Variants in PTPN9 observed in about 807,000 individuals in gnomAD.
PTPN9 encodes the protein tyrosine-protein phosphatase non-receptor type 9.
Under a neutral mutation model 69.8 loss-of-function variants are expected in PTPN9, and 26 were observed. That is an observed-to-expected ratio of 0.37 (90% confidence interval 0.27 to 0.52). The LOEUF is 0.52. PTPN9 is among the 20% of genes least tolerant of loss of function. The pLI is 0.91. For missense variants in PTPN9, 549 were observed against 740.3 expected (o/e 0.74, Z 3.00); for synonymous variants, 274 against 272.5 (o/e 1.01, Z -0.05).
intron 7 of PTPN9, among the ~76,000 whole-genome samples, chr15:75,490,699 A>G (rs1201656148): frequency 1.3e-5 from 2 of 151,916 alleles, no homozygotes; most frequent in African/African-American, 4.8e-5. Context: ...ATCTCGACTC[A>G]CTGCAAGCTC....
At chr15:75,557,253 C>T (rs557311990) in intron 1 of PTPN9, among the ~76,000 whole-genome samples, 5 of 151,864 alleles carry the variant, frequency 3.3e-5, no homozygotes, top group Non-Finnish European at 7.4e-5. Context: ...GGTGAAACCC[C>T]GTCTCTACTA....
intron 1 of PTPN9, among the ~76,000 whole-genome samples, chr15:75,577,717 C>T (rs1197775418): frequency 6.6e-6 from 1 of 152,226 alleles, no homozygotes; most frequent in African/African-American, 2.4e-5. Flanking sequence ...AGCTGTAGAG[C>T]TTGAAATGGG....
chr15:75,467,468 A>G lies in PTPN9; in HGVS notation c.*1301T>C, dbSNP rs549021617. The G allele has an allele frequency of 6.6e-6, 1 of 152,620 alleles. No individual in the cohort carries two copies. Among genetic ancestry groups the G allele is most frequent in the East Asian group, 1.9e-4 (1 of 5,164 alleles). 9.5% of individuals were successfully genotyped at this position (152,620 alleles called of 1,614,324 possible). A position where few individuals can be genotyped will look rare whatever the true frequency, so the allele number is the denominator to read the frequency against. ...GGGACAGGTTGGGTGGGTAGGGGAC[A>G]AACAGTGATTGCAGGGGACCACCTC... On this transcript the variant is annotated 3_prime_UTR_variant, in exon 13 of 13. Transcript: ENST00000618819.
chr15:75,503,890 G>C (rs1198670081), intron 7 of PTPN9, among the ~76,000 whole-genome samples: 1 of 116,512 alleles, frequency 8.6e-6, no homozygotes, highest in Non-Finnish European at 1.8e-5. Context: ...CAGCCGCCCC[G>C]TCCGGGAGGG....
At chr15:75,486,283 G>A (rs1203902197) in intron 8 of PTPN9, among the ~76,000 whole-genome samples, 1 of 152,060 alleles carries the variant, frequency 6.6e-6, no homozygotes, top group Non-Finnish European at 1.5e-5. Context: ...CAATGTAATG[G>A]TATTAGGAGA....
chr15:75,464,419 A>G lies in PTPN9; in HGVS notation c.*4350T>C, dbSNP rs1307070913. ...TCTGTCTCTGAAAGTAAAAAAAATG[A>G]AAAGTGGGGAGTGCTAGTGGGAGCC... On this transcript the variant is annotated 3_prime_UTR_variant, in exon 13 of 13. Coordinates refer to ENST00000618819, the MANE Select transcript of PTPN9 (RefSeq NM_002833.4). 2 of 152,192 alleles carry G rather than the reference A, an allele frequency of 1.3e-5. No individual in the cohort carries two copies. Among genetic ancestry groups the G allele is most frequent in the East Asian group, 3.9e-4 (2 of 5,190 alleles). 9.4% of individuals were successfully genotyped at this position (152,192 alleles called of 1,614,324 possible).
chr15:75,547,819 C>A (rs901029109), intron 1 of PTPN9, among the ~76,000 whole-genome samples: 4 of 152,014 alleles, frequency 2.6e-5, no homozygotes, highest in African/African-American at 9.7e-5. Context: ...GCATGCGCCA[C>A]CACACCCGGC....
At chr15:75,530,694 A>AT (rs1555456042) in intron 1 of PTPN9, among the ~76,000 whole-genome samples, 2,937 of 40,048 alleles carry the variant, frequency 0.073, 896 homozygotes, top group African/African-American at 0.25. Context: ...ATATTATAAT[A>AT]TATATAATAT....
chr15:75,536,167 G>A (rs138079598), intron 1 of PTPN9, among the ~76,000 whole-genome samples: 3 of 152,220 alleles, frequency 2.0e-5, no homozygotes, highest in African/African-American at 7.2e-5. Flanking sequence ...CACATTTAAA[G>A]AAAAACTTAA....
chr15:75,570,557 C>T (rs2075144216), intron 1 of PTPN9, among the ~76,000 whole-genome samples: 1 of 151,998 alleles, frequency 6.6e-6, no homozygotes, highest in Non-Finnish European at 1.5e-5. Flanking sequence ...ATTGCTTGAG[C>T]TTAGGAGTTC....
intron 1 of PTPN9, among the ~76,000 whole-genome samples, chr15:75,561,426 GA>G (rs559713224): frequency 0.014 from 1,993 of 143,396 alleles, 40 homozygotes; most frequent in African/African-American, 0.043. Flanking sequence ...AACAGAAAAG[GA>G]AAAAAAAAAA....
Position 75,505,662 on chromosome 15 carries a change from T to G in PTPN9, c.968+13A>C. 6.2e-7 allele frequency: 1 copy of G among 1,602,206 alleles called. No homozygotes were observed. Among genetic ancestry groups the G allele is most frequent in the Non-Finnish European group, 8.5e-7 (1 of 1,172,310 alleles). ...CTGGTAACCAGCTGCTGGCCCAAAC[T>G]TTTTCTACTTACATGGAACAGTGGA... On this transcript the variant is annotated intron_variant, in intron 7 of 12. Transcript: ENST00000618819.
chr15:75,501,605 C>T (rs2074773161), intron 7 of PTPN9, among the ~76,000 whole-genome samples: 1 of 151,970 alleles, frequency 6.6e-6, no homozygotes, highest in Non-Finnish European at 1.5e-5. Context: ...GAGTGTGCCA[C>T]CATGCCTGGC....
intron 1 of PTPN9, among the ~76,000 whole-genome samples, chr15:75,567,586 C>A (rs2075131611): frequency 6.6e-6 from 1 of 152,196 alleles, no homozygotes; most frequent in Non-Finnish European, 1.5e-5. Flanking sequence ...ATTCAATAAA[C>A]TTACCTGTGC....
intron 1 of PTPN9, among the ~76,000 whole-genome samples, chr15:75,530,667 C>CTATAATATATATTATTATATAATATAA (rs2074954836): frequency 2.4e-5 from 1 of 41,678 alleles, no homozygotes; most frequent in Non-Finnish European, 3.6e-5. Context: ...ATATAATATA[C>CTATAATATATATTATTATATAATATAA]TATTATATAT....
chr15:75,546,905 G>A (rs1472945801), intron 1 of PTPN9, among the ~76,000 whole-genome samples: 1 of 151,982 alleles, frequency 6.6e-6, no homozygotes, highest in Non-Finnish European at 1.5e-5. Context: ...GTCAACAGGA[G>A]GCAGTTAAGA....
rs538500818 is a variant in PTPN9, at chr15:75,467,614, C to T, written c.*1155G>A. 7.2e-5 allele frequency: 11 copies of T among 152,630 alleles called. No homozygotes were observed. The East Asian group carries it at 1.9e-3, about 27-fold the overall frequency. 9.5% of individuals were successfully genotyped at this position (152,630 alleles called of 1,614,324 possible). A position where few individuals can be genotyped will look rare whatever the true frequency, so the allele number is the denominator to read the frequency against. ...GACAGGGCCAAGCTGCATAAAGGAA[C>T]CATCCAGCAAAAGAAAAAGGGCCCC... On this transcript the variant is annotated 3_prime_UTR_variant, in exon 13 of 13. Transcript: ENST00000618819.
chr15:75,545,557 G>T (rs969703983), intron 1 of PTPN9, among the ~76,000 whole-genome samples: 19 of 152,286 alleles, frequency 1.2e-4, no homozygotes, highest in Admixed American at 8.5e-4. Flanking sequence ...AATCACAGAA[G>T]AAACTATCTG....
At position 75,468,640 on chromosome 15, in the gene PTPN9, C is replaced by T. The variant is rs2074547983; in HGVS notation, c.*129G>A. On this transcript the variant is annotated 3_prime_UTR_variant, in exon 13 of 13. Coordinates refer to ENST00000618819, the MANE Select transcript of PTPN9 (RefSeq NM_002833.4). ...AGGGAAAGGCTGCCTTGCGTGCACA[C>T]GTGTGCTGGGAGACACAAGAAAGAA... The T allele has an allele frequency of 2.5e-6, 2 of 807,040 alleles. No homozygotes were observed. The highest frequency in any genetic ancestry group is 1.7e-5 in the African/African-American group (1 of 58,274). The allele number at this position is 807,040 out of a possible 1,614,324, so 50.0% of individuals were successfully genotyped here. A position where few individuals can be genotyped will look rare whatever the true frequency, so the allele number is the denominator to read the frequency against.
Sources: allele counts gnomAD v4.1 joint callset (sites outside exome capture counted in the v4.1 genomes callset), GRCh38; gene constraint gnomAD v4.1.1; transcripts MANE v1.5; gene names NCBI Gene and HGNC (gene_info 2026-07-23, HGNC 2026-07-21).